IL33: variants seen among roughly 807,000 people sequenced by gnomAD.
IL33 encodes interleukin-33.
Under a neutral mutation model 27.3 loss-of-function variants are expected in IL33, and 37 were observed. The ratio of observed to expected loss-of-function variants is 1.36; its 90% confidence interval spans 1.04 to 1.78. The LOEUF is 1.78. Among genes scored for constraint, IL33 ranks in the 40% most tolerant of loss-of-function variants. IL33 has a pLI of 0.00. For missense variants in IL33, 406 were observed against 311.4 expected, an observed-to-expected ratio of 1.30 and a Z score of -2.29; for synonymous variants, 132 against 102.9, an observed-to-expected ratio of 1.28 and a Z score of -1.71.
intron 2 of IL33, among the ~76,000 whole-genome samples, chr9:6,249,236 C>T (rs1299534153): frequency 6.6e-6 from 1 of 152,102 alleles, no homozygotes; most frequent in East Asian, 1.9e-4. Flanking sequence ...AAAATAATAG[C>T]TAATAAAAGC....
At chr9:6,228,780 G>A (rs1224343867) in intron 1 of IL33, among the ~76,000 whole-genome samples, 1 of 150,840 alleles carries the variant, frequency 6.6e-6, no homozygotes, top group East Asian at 1.9e-4. Flanking sequence ...CTTGAACCTA[G>A]GAGTTCAGTG....
At chr9:6,252,266 C>T (rs1449504901) in intron 4 of IL33, among the ~76,000 whole-genome samples, 2 of 151,928 alleles carry the variant, frequency 1.3e-5, no homozygotes, top group Non-Finnish European at 2.9e-5. Flanking sequence ...ATTTTGTATA[C>T]TATTTTTTTC....
chr9:6,252,255 T>C (rs774572246), intron 4 of IL33, among the ~76,000 whole-genome samples: 11 of 152,202 alleles, frequency 7.2e-5, no homozygotes, highest in Admixed American at 2.0e-4. Flanking sequence ...TTCTCCTTAA[T>C]ATTTTGTATA....
intron 4 of IL33, among the ~76,000 whole-genome samples, chr9:6,252,400 C>T (rs1816449505): frequency 6.6e-6 from 1 of 152,090 alleles, no homozygotes; most frequent in Admixed American, 6.6e-5. Flanking sequence ...CTAAGTGTCC[C>T]TGTTATTTAG....
intron 1 of IL33, among the ~76,000 whole-genome samples, chr9:6,235,340 A>C (rs926819731): frequency 6.6e-6 from 1 of 152,190 alleles, no homozygotes; most frequent in African/African-American, 2.4e-5. Context: ...ACACACACCC[A>C]GCCCTGACTT....
chr9:6,251,012 C>A (rs1317230), intron 3 of IL33, 128 bp from the exon 4 acceptor site: 345,239 of 1,206,902 alleles, frequency 0.29, 53,029 homozygotes, highest in East Asian at 0.49. Flanking sequence ...TCCCTTTGGA[C>A]CATGAAGTGG....
intron 1 of IL33, among the ~76,000 whole-genome samples, chr9:6,228,620 G>T (rs993749512): frequency 1.3e-5 from 2 of 151,618 alleles, no homozygotes; most frequent in African/African-American, 2.4e-5. Context: ...GCTCTGGGAA[G>T]CCAAGGTGGA....
At position 6,256,228 on chromosome 9, in the gene IL33, G is replaced by C; in HGVS notation, c.*60G>C. The stretch of plus-strand genomic sequence containing the variant: ...CAAATGCTACCACTGGAGAAGGAAT[G>C]AGAGATAAAGAAAGAGACAGGTGAC... On this transcript the variant is annotated 3_prime_UTR_variant, in exon 8 of 8. Transcript: ENST00000682010. 2.4e-6 allele frequency: 3 copies of C among 1,226,840 alleles called. No individual in the cohort carries two copies. The highest frequency in any genetic ancestry group is 1.2e-6 in the Non-Finnish European group (1 of 839,288). 76.0% of individuals were successfully genotyped at this position (1,226,840 alleles called of 1,614,324 possible). A position where few individuals can be genotyped will look rare whatever the true frequency, so the allele number is the denominator to read the frequency against.
intron 1 of IL33, among the ~76,000 whole-genome samples, chr9:6,238,502 G>C (rs1213039956): frequency 6.6e-6 from 1 of 152,168 alleles, no homozygotes; most frequent in African/African-American, 2.4e-5. Context: ...TGTTATAGCA[G>C]TTCTACCTAG....
chr9:6,228,418 C>T (rs1317314014), intron 1 of IL33, among the ~76,000 whole-genome samples: 4 of 152,078 alleles, frequency 2.6e-5, no homozygotes, highest in Non-Finnish European at 5.9e-5. Flanking sequence ...ATTACTTGTC[C>T]AATTTTATGT....
At position 6,256,257 on chromosome 9, in the gene IL33, T is replaced by A; in HGVS notation, c.*89T>A. 1 of 932,012 alleles carries A rather than the reference T, an allele frequency of 1.1e-6. No individual in the cohort carries two copies. Among genetic ancestry groups the A allele is most frequent in the Non-Finnish European group, 1.7e-6 (1 of 591,378 alleles). 57.7% of individuals were successfully genotyped at this position (932,012 alleles called of 1,614,324 possible). Reference sequence around the variant, plus strand: ...GATAAAGAAAGAGACAGGTGACATCTAAGGGAAATGAAGAGTGCTTAGCAT... The same window carrying A: ...GATAAAGAAAGAGACAGGTGACATCAAAGGGAAATGAAGAGTGCTTAGCAT... On this transcript the variant is annotated 3_prime_UTR_variant, in exon 8 of 8. Transcript: ENST00000682010.
chr9:6,251,032 T>C, intron 3 of IL33, 108 bp from the exon 4 acceptor site: 1 of 1,449,138 alleles, frequency 6.9e-7, no homozygotes, highest in Non-Finnish European at 9.3e-7. Flanking sequence ...GCCAAAGCCC[T>C]GGAGTCAATC....
At chr9:6,235,594 CAG>C (rs1489471503) in intron 1 of IL33, among the ~76,000 whole-genome samples, 1 of 152,028 alleles carries the variant, frequency 6.6e-6, no homozygotes, top group Admixed American at 6.6e-5. Context: ...ATAAATGACA[CAG>C]GGGAAAAAGT....
chr9:6,246,034 GC>G (rs1819822990), intron 2 of IL33, among the ~76,000 whole-genome samples: 1 of 109,308 alleles, frequency 9.1e-6, no homozygotes, highest in Non-Finnish European at 1.7e-5. Context: ...CTGCACTCCA[GC>G]CTGGGTGACA....
At chr9:6,234,782 T>G (rs749311328) in intron 1 of IL33, among the ~76,000 whole-genome samples, 24 of 152,190 alleles carry the variant, frequency 1.6e-4, no homozygotes, top group Non-Finnish European at 2.4e-4. Context: ...TTCCTTCAGA[T>G]GGTGCTTCAC....
intron 2 of IL33, among the ~76,000 whole-genome samples, chr9:6,245,916 G>A (rs1449886987): frequency 6.6e-6 from 1 of 151,134 alleles, no homozygotes; most frequent in Admixed American, 6.6e-5. Flanking sequence ...ACAAAAAATT[G>A]CCTGGGCATG....
Position 6,231,869 on chromosome 9 carries a change from G to A in IL33, c.-11-9815G>A, listed in dbSNP as rs563754273. ...AGAATTTACTCTCTAGGACATCAAAGGTCAAACTTTCTCTTTTCTGTATTA... is the reference window on the plus strand; with the variant it reads ...AGAATTTACTCTCTAGGACATCAAAAGTCAAACTTTCTCTTTTCTGTATTA... On this transcript the variant is annotated intron_variant, in intron 1 of 7. Coordinates refer to ENST00000682010, the MANE Select transcript of IL33 (RefSeq NM_033439.4). 1.2e-4 allele frequency among the ~76,000 whole-genome samples: 19 copies of A among 152,206 alleles called. No individual in the cohort carries two copies. The East Asian group carries it at 3.7e-3, about 29-fold the overall frequency.
rs370455049 is a variant in IL33 at position 6,253,565 on chromosome 9, G to C, written c.483G>C (p.Leu161=). 1 of 1,608,096 alleles carries C rather than the reference G, an allele frequency of 6.2e-7. No homozygotes were observed. The highest frequency in any genetic ancestry group is 1.1e-5 in the South Asian group (1 of 90,244). Residue 161 remains leucine (L), a synonymous_variant, in exon 6 of 8, where the codon CTG becomes CTC. Coordinates refer to ENST00000682010, the MANE Select transcript of IL33 (RefSeq NM_033439.4). The part of the protein sequence containing the change: ...KKDEKKDKVL[L]SYYESQHPSN... ...ATTCTCTTTCAGATAAGGTGTTACT[G>C]AGTTACTATGAGTCTCAACACCCCT...
chr9:6,253,855 T>C (rs1007422430), intron 6 of IL33, among the ~76,000 whole-genome samples: 1 of 152,172 alleles, frequency 6.6e-6, no homozygotes, highest in Non-Finnish European at 1.5e-5. Flanking sequence ...AGATAAAACT[T>C]TCTGTCTTAG....
Sources: allele counts gnomAD v4.1 joint callset (sites outside exome capture counted in the v4.1 genomes callset), GRCh38; gene constraint gnomAD v4.1.1; transcripts MANE v1.5; gene names NCBI Gene and HGNC (gene_info 2026-07-23, HGNC 2026-07-21).